ZNF532: variants seen among roughly 807,000 people sequenced by gnomAD.
ZNF532 encodes zinc finger protein 532.
A neutral mutation model predicts 89.3 loss-of-function variants in ZNF532; 22 were observed. The observed-to-expected ratio is 0.25, with a 90% CI of 0.18 to 0.35. The LOEUF is 0.35. Ranked by LOEUF, ZNF532 falls within the 10% of genes least tolerant of loss-of-function variation. The pLI is 1.00. For missense variants in ZNF532, 1,132 were observed against 1,643.4 expected, an observed-to-expected ratio of 0.69 and a Z score of 5.38; for synonymous variants, 606 against 649.6, an observed-to-expected ratio of 0.93 and a Z score of 1.02.
chr18:58,978,639 T>C (rs1909242972), intron 7 of ZNF532, among the ~76,000 whole-genome samples: 1 of 152,108 alleles, frequency 6.6e-6, no homozygotes, highest in Non-Finnish European at 1.5e-5. Flanking sequence ...TTTTAAAAAG[T>C]TTTTTGGTTT....
intron 2 of ZNF532, among the ~76,000 whole-genome samples, chr18:58,868,921 A>T (rs899695463): frequency 1.3e-5 from 2 of 152,240 alleles, no homozygotes; most frequent in Non-Finnish European, 1.5e-5. Context: ...ATAGCCTACT[A>T]TATACCTAGG....
intron 7 of ZNF532, among the ~76,000 whole-genome samples, chr18:58,976,634 G>T (rs2067091119): frequency 6.6e-6 from 1 of 151,788 alleles, no homozygotes; most frequent in Non-Finnish European, 1.5e-5. Context: ...TGCAACCACT[G>T]CAATTCTTCT....
At chr18:58,945,685 A>T (rs892982494) in intron 5 of ZNF532, among the ~76,000 whole-genome samples, 1 of 152,172 alleles carries the variant, frequency 6.6e-6, no homozygotes, top group African/African-American at 2.4e-5. Flanking sequence ...TAGCCTAGCT[A>T]GTAAATCTCA....
At chr18:58,903,395 G>A (rs996100031) in intron 2 of ZNF532, among the ~76,000 whole-genome samples, 3 of 152,172 alleles carry the variant, frequency 2.0e-5, no homozygotes, top group Non-Finnish European at 4.4e-5. Context: ...AATTTGGAAG[G>A]TGATTCCAGG....
At chr18:58,876,938 T>A (rs1027201667) in intron 2 of ZNF532, among the ~76,000 whole-genome samples, 1 of 152,082 alleles carries the variant, frequency 6.6e-6, no homozygotes, top group African/African-American at 2.4e-5. Context: ...TGTGCACCCG[T>A]AGTCCTAGCT....
At position 58,948,136 on chromosome 18, in the gene ZNF532, C is replaced by T. The variant is rs779260095; in HGVS notation, c.2775C>T (p.Asp925=). 29 of 1,613,776 alleles carry T rather than the reference C, an allele frequency of 1.8e-5. No homozygotes were observed. Among genetic ancestry groups the T allele is most frequent in the East Asian group, 2.2e-5 (1 of 44,900 alleles). The change falls in exon 6 of 10, where the codon GAC becomes GAT. Residue 925 remains aspartate (D), a synonymous_variant. Transcript: ENST00000591808. The part of the protein sequence containing the change: ...TLQTLLYRHF[D]QHIENQKVSV... ...AAACCTTGCTGTATCGCCACTTTGA[C>T]CAACACATTGAAAACCAGAAGGTGT...
chr18:58,872,801 G>A (rs1222689642), intron 2 of ZNF532, among the ~76,000 whole-genome samples: 1 of 151,226 alleles, frequency 6.6e-6, no homozygotes, highest in Non-Finnish European at 1.5e-5. Flanking sequence ...CCGGGTTCAA[G>A]CGATCCTCCT....
intron 7 of ZNF532, among the ~76,000 whole-genome samples, chr18:58,976,908 TTAAAGCTTTAAAA>T (rs1409302493): frequency 6.6e-6 from 1 of 152,220 alleles, no homozygotes; most frequent in Non-Finnish European, 1.5e-5. Context: ...GTTCATGACT[TTAAAGCTTTAAAA>T]TAAATAAAGG....
At chr18:58,896,867 TGAAGATAAATC>T (rs2059284856) in intron 2 of ZNF532, among the ~76,000 whole-genome samples, 1 of 152,164 alleles carries the variant, frequency 6.6e-6, no homozygotes, top group Non-Finnish European at 1.5e-5. Flanking sequence ...ATGGAGCAGA[TGAAGATAAATC>T]GGCAAAATAA....
In ZNF532 at chr18:58,948,106, C is replaced by T; in HGVS notation, c.2745C>T (p.Thr915=). 6.2e-7 allele frequency: 1 copy of T among 1,613,614 alleles called. No homozygotes were observed. Among genetic ancestry groups the T allele is most frequent in the Non-Finnish European group, 8.5e-7 (1 of 1,179,738 alleles). ...YKCSMCDTVF[T]LQTLLYRHFD... ...GTTCCATGTGCGACACTGTGTTCAC[C>T]CTGCAAACCTTGCTGTATCGCCACT... Residue 915 remains threonine, a synonymous_variant, in exon 6 of 10, where the codon ACC becomes ACT. Transcript: ENST00000591808.
intron 7 of ZNF532, among the ~76,000 whole-genome samples, chr18:58,975,913 AG>A (rs1254859092): frequency 6.6e-6 from 1 of 152,218 alleles, no homozygotes; most frequent in African/African-American, 2.4e-5. Flanking sequence ...CTTATAGTAA[AG>A]CCAGGAGGAA....
intron 3 of ZNF532, among the ~76,000 whole-genome samples, chr18:58,923,603 G>T (rs1349560300): frequency 6.6e-6 from 1 of 152,038 alleles, no homozygotes; most frequent in Non-Finnish European, 1.5e-5. Flanking sequence ...TGGGAGGTGG[G>T]GGCTGCAGTA....
At chr18:58,964,685 C>T (rs532136803) in intron 7 of ZNF532, among the ~76,000 whole-genome samples, 103 of 151,914 alleles carry the variant, frequency 6.8e-4, no homozygotes, top group African/African-American at 2.4e-3. Context: ...CTCTTGGTCA[C>T]GAGCAATCTG....
At chr18:58,922,695 G>T (rs991952129) in intron 3 of ZNF532, among the ~76,000 whole-genome samples, 1 of 152,228 alleles carries the variant, frequency 6.6e-6, no homozygotes, top group Non-Finnish European at 1.5e-5. Flanking sequence ...CTTCATTTCT[G>T]TTGTCTTCGT....
intron 7 of ZNF532, among the ~76,000 whole-genome samples, chr18:58,955,702 C>A (rs1420466412): frequency 6.6e-6 from 1 of 152,214 alleles, no homozygotes; most frequent in Admixed American, 6.5e-5. Context: ...TATTTGGTCT[C>A]ACTACAGTGT....
chr18:58,888,858 A>ATATATATT (rs2058639872), intron 2 of ZNF532, among the ~76,000 whole-genome samples: 1 of 41,402 alleles, frequency 2.4e-5, no homozygotes, highest in South Asian at 6.7e-4. Flanking sequence ...TATATAATTT[A>ATATATATT]TATATATATA....
At chr18:58,971,342 C>T (rs1367609010) in intron 7 of ZNF532, among the ~76,000 whole-genome samples, 1 of 152,190 alleles carries the variant, frequency 6.6e-6, no homozygotes, top group Non-Finnish European at 1.5e-5. Context: ...CATAAATTTA[C>T]ATAAATTTGG....
intron 2 of ZNF532, among the ~76,000 whole-genome samples, chr18:58,869,763 T>TG (rs1491247439): frequency 9.9e-6 from 1 of 100,754 alleles, no homozygotes; most frequent in Non-Finnish European, 1.8e-5. Flanking sequence ...GGAAGATCTG[T>TG]TTTTTTTTTT....
intron 8 of ZNF532, 177 bp downstream of exon 8, chr18:58,979,344 A>C: frequency 2.5e-6 from 1 of 393,542 alleles, no homozygotes. Context: ...TAAATATGAA[A>C]ATAAAAAAAA....
Sources: allele counts gnomAD v4.1 joint callset (sites outside exome capture counted in the v4.1 genomes callset), GRCh38; gene constraint gnomAD v4.1.1; transcripts MANE v1.5; gene names NCBI Gene and HGNC (gene_info 2026-07-23, HGNC 2026-07-21).